Variants in SMAD4 observed in about 807,000 individuals in gnomAD.
SMAD4 encodes MAD homolog 4.
In SMAD4, 7 loss-of-function variants were observed where a neutral mutation model predicts 63.2. The observed-to-expected ratio is 0.11, with a 90% CI of 0.06 to 0.21. The LOEUF is 0.21. Ranked by LOEUF, SMAD4 falls within the 10% of genes least tolerant of loss-of-function variation. The pLI is 1.00. For missense variants in SMAD4, 312 were observed against 693.8 expected, an observed-to-expected ratio of 0.45 and a Z score of 6.18; for synonymous variants, 215 against 235.4, an observed-to-expected ratio of 0.91 and a Z score of 0.79.
chr18:51,062,848 C>CTTTTTTTTTTTTTTTTTTTT (rs1366376175), intron 8 of SMAD4, among the ~76,000 whole-genome samples: 1 of 83,598 alleles, frequency 1.2e-5, no homozygotes, highest in African/African-American at 4.4e-5. Context: ...TCTGGCTTTA[C>CTTTTTTTTTTTTTTTTTTTT]TTGTTTTTTT....
intron 4 of SMAD4, among the ~76,000 whole-genome samples, chr18:51,050,300 A>G (rs922418492): frequency 1.3e-5 from 2 of 151,186 alleles, no homozygotes; most frequent in Non-Finnish European, 2.9e-5. Context: ...TGGAGGTTGC[A>G]GTGAGCTGAG....
chr18:51,041,379 T>G (rs1018625918), intron 1 of SMAD4, among the ~76,000 whole-genome samples: 2 of 152,234 alleles, frequency 1.3e-5, no homozygotes, highest in African/African-American at 4.8e-5. Flanking sequence ...ATTGTGCTTC[T>G]TTGTCTCCCT....
In SMAD4 at chr18:51,059,978, C is replaced by A. The variant is rs1016077911; in HGVS notation, c.955+62C>A. 26 of 1,208,166 alleles carry A rather than the reference C, an allele frequency of 2.2e-5. No homozygotes were observed. The East Asian group carries it at 4.7e-4, about 22-fold the overall frequency. The allele number at this position is 1,208,166 out of a possible 1,614,324, so 74.8% of individuals were successfully genotyped here. ...TTGATTTAGTGGTGATTGAAACGCACAAACACAGGCTTTAATGGAATTATG... is the reference window on the plus strand; with the variant it reads ...TTGATTTAGTGGTGATTGAAACGCAAAAACACAGGCTTTAATGGAATTATG... On this transcript the variant is annotated intron_variant, in intron 8 of 11. Transcript: ENST00000342988.
chr18:51,079,333 T>C lies in SMAD4; in HGVS notation c.*866T>C, dbSNP rs1054241840. The C allele has an allele frequency of 3.9e-5, 9 of 233,294 alleles. No individual in the cohort carries two copies. The highest frequency in any genetic ancestry group is 2.0e-4 in the African/African-American group (9 of 45,322). The allele number at this position is 233,294 out of a possible 1,614,324, so 14.5% of individuals were successfully genotyped here. A position where few individuals can be genotyped will look rare whatever the true frequency, so the allele number is the denominator to read the frequency against. On this transcript the variant is annotated 3_prime_UTR_variant, in exon 12 of 12. Transcript: ENST00000342988. ...AAAGGTTTTGTATTTTTTAAAACAC[T>C]AAAAGCAGCGTCACTCTACCTAATG... is the stretch of plus-strand genomic sequence containing the variant.
chr18:51,077,585 T>C (rs540539464), intron 11 of SMAD4, among the ~76,000 whole-genome samples: 5 of 151,750 alleles, frequency 3.3e-5, no homozygotes, highest in African/African-American at 1.2e-4. Flanking sequence ...TTGTGACTTA[T>C]GTTCAGGAGT....
rs1042822389 is a variant in SMAD4, at chr18:51,059,630, GTAA to G, written c.905-230_905-228del. Among the ~76,000 whole-genome samples the G allele has an allele frequency of 3.3e-4, 50 of 152,278 alleles. 2 individuals are homozygous for G. Among genetic ancestry groups the G allele is most frequent in the Admixed American group, 2.8e-3 (43 of 15,302 alleles). ...GGATATAAAATTATGTGTAAATTGTGTAATAATAGCACTTGGCAGATAGCACTG... is the reference window on the plus strand; with the variant it reads ...GGATATAAAATTATGTGTAAATTGTGTAATAGCACTTGGCAGATAGCACTG... On this transcript the variant is annotated intron_variant, in intron 7 of 11. Transcript: ENST00000342988.
At chr18:51,050,515 C>T (rs1599183819) in intron 4 of SMAD4, among the ~76,000 whole-genome samples, 2 of 151,630 alleles carry the variant, frequency 1.3e-5, no homozygotes, top group Non-Finnish European at 2.9e-5. Flanking sequence ...CAAAATTAGC[C>T]GGACGTGGTG....
At chr18:51,065,002 A>G (rs1910109552) in intron 8 of SMAD4, among the ~76,000 whole-genome samples, 1 of 152,202 alleles carries the variant, frequency 6.6e-6, no homozygotes, top group South Asian at 2.1e-4. Flanking sequence ...TAAAAAATAA[A>G]AGTTGAGACT....
At chr18:51,065,348 C>G (rs1052900601) in intron 8 of SMAD4, 75 bp from the exon 9 acceptor site, 6 of 1,224,270 alleles carry the variant, frequency 4.9e-6, no homozygotes, top group Non-Finnish European at 7.3e-6. Flanking sequence ...TTAGGAAAAA[C>G]TGTGTTGTGG....
chr18:51,049,323 T>G lies in SMAD4; in HGVS notation c.453T>G (p.Asn151Lys). ...TCTCAGGATTAACACTGCAGAGTAA[T>G]GGTAGGTAATCTGTTTCTTACTACT... is the stretch of plus-strand genomic sequence containing the variant. ...IDLSGLTLQS[N>K]APSSMMVKDE... Residue 151 changes from asparagine (N) to lysine (K), a missense_variant and splice_region_variant, in exon 4 of 12, where the codon AAT becomes AAG. Around this residue, in one of 4 missense-constraint regions of SMAD4, gnomAD observed 169 missense variants for 211.0 expected, o/e 0.80. Coordinates refer to ENST00000342988, the MANE Select transcript of SMAD4 (RefSeq NM_005359.6). 6.3e-7 allele frequency: 1 copy of G among 1,597,670 alleles called. No individual in the cohort carries two copies. Among genetic ancestry groups the G allele is most frequent in the Non-Finnish European group, 8.6e-7 (1 of 1,165,270 alleles).
At position 51,059,867 on chromosome 18, in the gene SMAD4, G is replaced by T. The variant is rs878854769; in HGVS notation, c.906G>T (p.Trp302Cys). 1 of 1,612,160 alleles carries T rather than the reference G, an allele frequency of 6.2e-7. No homozygotes were observed. The highest frequency in any genetic ancestry group is 8.5e-7 in the Non-Finnish European group (1 of 1,178,452). ...PPMPPHPGHY[W>C]PVHNELAFQP... ...GAATTTTTGTTGTCTTTTCTTTAGG[G>T]CCTGTTCACAATGAGCTTGCATTCC... The change falls in exon 8 of 12, where the codon TGG (tryptophan) becomes TGT (cysteine). Residue 302 changes from tryptophan to cysteine, a missense_variant and splice_region_variant. Trp to Cys is a radical substitution (Grantham distance 215, BLOSUM62 -2). Around this residue, in one of 4 missense-constraint regions of SMAD4, gnomAD observed 169 missense variants for 211.0 expected, o/e 0.80. Transcript: ENST00000342988.
chr18:51,038,262 G>GC (rs398032816), intron 1 of SMAD4, among the ~76,000 whole-genome samples: 1 of 146,650 alleles, frequency 6.8e-6, no homozygotes. Flanking sequence ...GGGGGGGGGG[G>GC]CAGTATGAGG....
At chr18:51,047,934 A>G (rs931601486) in intron 2 of SMAD4, among the ~76,000 whole-genome samples, 5 of 152,014 alleles carry the variant, frequency 3.3e-5, no homozygotes, top group African/African-American at 9.7e-5. Flanking sequence ...TTGATATTGT[A>G]TGTACATTTA....
rs1291526848 is a variant in SMAD4 at position 51,058,330 on chromosome 18, T to C, written c.788-10T>C. 1.2e-6 allele frequency: 2 copies of C among 1,610,690 alleles called. No homozygotes were observed. The highest frequency in any genetic ancestry group is 1.1e-5 in the South Asian group (1 of 91,072). On this transcript the variant is annotated splice_polypyrimidine_tract_variant and intron_variant, in intron 6 of 11. Transcript: ENST00000342988. The stretch of plus-strand genomic sequence containing the variant: ...AAAGCAAATTAACCCATGTGGGCCT[T>C]AATTTTTAGACAGCACTACCACCTG...
chr18:51,062,568 C>G (rs984846548), intron 8 of SMAD4, among the ~76,000 whole-genome samples: 1 of 150,982 alleles, frequency 6.6e-6, no homozygotes, highest in Non-Finnish European at 1.5e-5. Context: ...TCATGCAATT[C>G]GGCTCACTGC....
chr18:51,030,909 C>T (rs1186648205), intron 1 of SMAD4, among the ~76,000 whole-genome samples: 1 of 152,112 alleles, frequency 6.6e-6, no homozygotes, highest in African/African-American at 2.4e-5. Context: ...GGCCGCCGCT[C>T]CTCTTTGTTG....
intron 10 of SMAD4, among the ~76,000 whole-genome samples, chr18:51,069,716 C>T (rs1910265740): frequency 6.6e-6 from 1 of 152,168 alleles, no homozygotes; most frequent in Non-Finnish European, 1.5e-5. Flanking sequence ...AAACTTTTCC[C>T]TGCCGTGGGC....
At chr18:51,068,623 TAAAC>T (rs1386835006) in intron 10 of SMAD4, among the ~76,000 whole-genome samples, 2 of 152,186 alleles carry the variant, frequency 1.3e-5, no homozygotes, top group East Asian at 1.9e-4. Flanking sequence ...AGTTAGTTAT[TAAAC>T]AATACATAAG....
At chr18:51,055,073 A>G (rs1008903968) in intron 5 of SMAD4, 80 bp downstream of exon 5, 11 of 1,004,868 alleles carry the variant, frequency 1.1e-5, no homozygotes, top group Non-Finnish European at 1.8e-5. Context: ...CTTGGGGGGA[A>G]ACTCCAAGTA....
Sources: allele counts gnomAD v4.1 joint callset (sites outside exome capture counted in the v4.1 genomes callset), GRCh38; gene constraint gnomAD v4.1.1; regional missense constraint gnomAD v4.1.1; transcripts MANE v1.5; gene names NCBI Gene and HGNC (gene_info 2026-07-23, HGNC 2026-07-21).